ADGRB3: variants seen among roughly 807,000 people sequenced by gnomAD.
ADGRB3 encodes adhesion G protein-coupled receptor B3.
In ADGRB3, 37 loss-of-function variants were observed where a neutral mutation model predicts 193.4. The observed-to-expected ratio is 0.19, with a 90% CI of 0.15 to 0.25. The LOEUF (loss-of-function observed/expected upper bound fraction) is 0.25. ADGRB3 is among the 10% of genes least tolerant of loss of function. ADGRB3 has a pLI of 1.00. For synonymous variants in ADGRB3, 690 were observed against 644.2 expected, an observed-to-expected ratio of 1.07 and a Z score of -1.08; for missense variants, 1,637 against 1,852.9, an observed-to-expected ratio of 0.88 and a Z score of 2.14.
chr6:68,933,203 A>C (rs1332190487), intron 4 of ADGRB3, among the ~76,000 whole-genome samples: 1 of 152,110 alleles, frequency 6.6e-6, no homozygotes, highest in Non-Finnish European at 1.5e-5. Flanking sequence ...ATAGTCATCA[A>C]TTAATTTATA....
chr6:69,218,118 A>C lies in ADGRB3; in HGVS notation c.2481-15172A>C, dbSNP rs13340441. Among the ~76,000 whole-genome samples, 1,409 of 151,762 alleles carry C rather than the reference A, an allele frequency of 9.3e-3. 23 individuals are homozygous for C. Among genetic ancestry groups the C allele is most frequent in the African/African-American group, 0.031 (1,302 of 41,394 alleles). On this transcript the variant is annotated intron_variant, in intron 17 of 31. Transcript: ENST00000370598. The stretch of plus-strand genomic sequence containing the variant: ...TCAAAACCTTTCAAGCCTGCCTTAC[A>C]TTGCAAAAAAAGACAAAAAAAGAAG...
rs1766620773 is a variant in ADGRB3 at position 68,908,860 on chromosome 6, C to A, written c.758-21699C>A. Among the ~76,000 whole-genome samples, 5 of 152,190 alleles carry A rather than the reference C, an allele frequency of 3.3e-5. No homozygotes were observed. In the South Asian group the frequency reaches 1.0e-3, roughly 31 times the overall value. On this transcript the variant is annotated intron_variant, in intron 3 of 31. Transcript: ENST00000370598. ...ATGGTCTCACCTAAGCATCTCCTCT[C>A]TTCCGTATCTGACATCAGCCGAGCT...
intron 19 of ADGRB3, among the ~76,000 whole-genome samples, chr6:69,235,422 C>T (rs1382681143): frequency 3.3e-5 from 5 of 152,082 alleles, no homozygotes; most frequent in Non-Finnish European, 7.4e-5. Context: ...GCATAGTACT[C>T]TTACACCACA....
chr6:69,164,716 G>A (rs1197671560), intron 17 of ADGRB3, among the ~76,000 whole-genome samples: 1 of 152,038 alleles, frequency 6.6e-6, no homozygotes, highest in East Asian at 1.9e-4. Flanking sequence ...CTTCTTGTGG[G>A]CCAGTTAGAA....
At chr6:68,828,328 G>A (rs1767888123) in intron 3 of ADGRB3, among the ~76,000 whole-genome samples, 1 of 152,108 alleles carries the variant, frequency 6.6e-6, no homozygotes, top group African/African-American at 2.4e-5. Flanking sequence ...TGCCTCTGAA[G>A]AAGATGTTCT....
At chr6:69,099,742 A>C (rs1235646225) in intron 17 of ADGRB3, among the ~76,000 whole-genome samples, 1 of 152,200 alleles carries the variant, frequency 6.6e-6, no homozygotes, top group African/African-American at 2.4e-5. Context: ...GGGCAGAATG[A>C]GGTCTTCATC....
intron 3 of ADGRB3, among the ~76,000 whole-genome samples, chr6:68,767,959 A>C (rs1363735187): frequency 6.6e-6 from 1 of 152,184 alleles, no homozygotes; most frequent in Non-Finnish European, 1.5e-5. Context: ...AGAGAATAAA[A>C]TGCCTAGGAA....
intron 8 of ADGRB3, among the ~76,000 whole-genome samples, chr6:68,969,155 T>C (rs1280643504): frequency 4.0e-5 from 6 of 151,828 alleles, no homozygotes; most frequent in African/African-American, 1.2e-4. Context: ...AAAGCAACAC[T>C]GGGGAATTGG....
At chr6:69,352,725 G>T (rs1183584677) in intron 26 of ADGRB3, among the ~76,000 whole-genome samples, 1 of 152,212 alleles carries the variant, frequency 6.6e-6, no homozygotes, top group African/African-American at 2.4e-5. Context: ...TATGAAATGA[G>T]TGAGAGGACA....
chr6:68,938,440 G>GTATATATATATATA lies in ADGRB3; in HGVS notation c.1030+1778_1030+1791dup, dbSNP rs59120080. Among the ~76,000 whole-genome samples, 13 of 144,728 alleles carry GTATATATATATATA rather than the reference G, an allele frequency of 9.0e-5. No homozygotes were observed. In the East Asian group the frequency reaches 2.0e-3, roughly 22 times the overall value. The allele number at this position is 144,728 out of a possible 152,430, so 94.9% of individuals were successfully genotyped here. ...ATCTTGTATAACATGATATTTTGAG[G>GTATATATATATATA]TATATATATATATATATATATATAT... On this transcript the variant is annotated intron_variant, in intron 5 of 31. Coordinates refer to ENST00000370598, the MANE Select transcript of ADGRB3 (RefSeq NM_001704.3).
chr6:69,060,788 G>A (rs1403979441), intron 15 of ADGRB3, among the ~76,000 whole-genome samples: 2 of 152,016 alleles, frequency 1.3e-5, no homozygotes, highest in African/African-American at 4.8e-5. Flanking sequence ...TTCTCTGGGA[G>A]AAATGTTCAT....
intron 3 of ADGRB3, among the ~76,000 whole-genome samples, chr6:68,929,416 G>T (rs180831414): frequency 6.6e-6 from 1 of 152,132 alleles, no homozygotes; most frequent in African/African-American, 2.4e-5. Context: ...AGATGAAAAT[G>T]TGTGCTAGTC....
At chr6:69,022,376 G>T (rs1425217543) in intron 13 of ADGRB3, among the ~76,000 whole-genome samples, 2 of 151,704 alleles carry the variant, frequency 1.3e-5, no homozygotes, top group East Asian at 1.9e-4. Context: ...TTTAATATGA[G>T]ATATTTTTAA....
chr6:68,672,230 T>C (rs1768981865), intron 3 of ADGRB3, among the ~76,000 whole-genome samples: 1 of 152,042 alleles, frequency 6.6e-6, no homozygotes. Context: ...GCTTGATCTT[T>C]TGTATTACTT....
Position 69,361,379 on chromosome 6 carries a change from C to A in ADGRB3, c.4106C>A (p.Pro1369His). The A allele has an allele frequency of 6.2e-7, 1 of 1,612,976 alleles. No homozygotes were observed. The highest frequency in any genetic ancestry group is 8.5e-7 in the Non-Finnish European group (1 of 1,179,238). The change falls in exon 29 of 32, where the codon CCC becomes CAC. Residue 1369 changes from proline to histidine, a missense_variant. Physicochemically the swap from Pro to His is moderately conservative, Grantham distance 77 (BLOSUM62 -2). This residue lies in a region of ADGRB3 where 368 missense variants were observed against 367.4 expected (regional missense o/e 1.00). Transcript: ENST00000370598. Reference protein sequence around the residue: ...FNMNLEQHLAPQEHMQNLPFE... With the variant: ...FNMNLEQHLAHQEHMQNLPFE... Reference sequence around the variant, plus strand: ...ATGAACTTAGAGCAACATCTCGCACCCCAGGAACATATGCAGAATTTGCCC... The same window carrying A: ...ATGAACTTAGAGCAACATCTCGCACACCAGGAACATATGCAGAATTTGCCC...
chr6:69,250,500 T>C (rs1339153582), intron 20 of ADGRB3, among the ~76,000 whole-genome samples: 1 of 152,222 alleles, frequency 6.6e-6, no homozygotes, highest in African/African-American at 2.4e-5. Flanking sequence ...TGTAACAAAT[T>C]ACCTCAAAGC....
intron 17 of ADGRB3, among the ~76,000 whole-genome samples, chr6:69,199,517 G>GA (rs568475919): frequency 6.6e-6 from 1 of 151,960 alleles, no homozygotes; most frequent in Non-Finnish European, 1.5e-5. Context: ...TTATAACTAA[G>GA]AAAAAATGTA....
intron 15 of ADGRB3, among the ~76,000 whole-genome samples, chr6:69,049,884 C>T (rs1467138298): frequency 6.6e-6 from 1 of 152,136 alleles, no homozygotes; most frequent in Non-Finnish European, 1.5e-5. Flanking sequence ...TTTCTTTCCT[C>T]CCAGATATTA....
rs1437155847 is a variant in ADGRB3, at chr6:69,037,329, C to T, written c.2108-10856C>T. 3.3e-5 allele frequency among the ~76,000 whole-genome samples: 5 copies of T among 152,206 alleles called. No individual in the cohort carries two copies. The South Asian group carries it at 6.2e-4, about 19-fold the overall frequency. On this transcript the variant is annotated intron_variant, in intron 13 of 31. Coordinates refer to ENST00000370598, the MANE Select transcript of ADGRB3 (RefSeq NM_001704.3). Reference sequence around the variant, plus strand: ...GCTTATATGATTAAATACCATATTTCCTTGCATGATCATTTATTTATGAAT... The same window carrying T: ...GCTTATATGATTAAATACCATATTTTCTTGCATGATCATTTATTTATGAAT...
Sources: gnomAD v4.1 joint callset for allele counts (sites outside exome capture counted in the v4.1 genomes callset) on GRCh38, gnomAD v4.1.1 for gene constraint, gnomAD v4.1.1 regional missense constraint, MANE v1.5 for transcripts, NCBI Gene and HGNC (gene_info 2026-07-23, HGNC 2026-07-21) for gene names.